The following NR6A1 variants were observed in gnomAD, a reference collection of about 807,000 sequenced individuals.
NR6A1 encodes the protein retinoic acid receptor-related testis-associated receptor.
NR6A1 carries 7 observed loss-of-function variants against 59.1 expected under a neutral mutation model. The ratio of observed to expected loss-of-function variants is 0.12; its 90% CI spans 0.07 to 0.22. The LOEUF is 0.22. Among genes scored for constraint, NR6A1 ranks in the 10% least tolerant of loss-of-function variants. NR6A1 has a pLI of 1.00. For synonymous variants in NR6A1, 243 were observed against 236.1 expected (o/e 1.03, Z -0.27); for missense variants, 468 against 611.6 (o/e 0.77, Z 2.48).
In NR6A1 at chr9:124,560,034, G is replaced by A. The variant is rs142806623; in HGVS notation, c.143-5464C>T. 3.2e-4 allele frequency among the ~76,000 whole-genome samples: 49 copies of A among 152,250 alleles called. No homozygotes were observed. In the East Asian group the frequency reaches 8.7e-3, roughly 27 times the overall value. On this transcript the variant is annotated intron_variant, in intron 2 of 9. Transcript: ENST00000487099. Reference sequence around the variant, plus strand: ...CCACACATTTTATAACAGGAAAAACGGGTGCTGAAAGAGTAAATAATCTTG... The same window carrying A: ...CCACACATTTTATAACAGGAAAAACAGGTGCTGAAAGAGTAAATAATCTTG...
chr9:124,608,187 GGTTT>G (rs1268517664), intron 2 of NR6A1, among the ~76,000 whole-genome samples: 1 of 152,186 alleles, frequency 6.6e-6, no homozygotes, highest in African/African-American at 2.4e-5. Flanking sequence ...TACATGTGCA[GGTTT>G]GTTACACAGG....
At chr9:124,541,306 GA>G (rs1833434829) in intron 4 of NR6A1, among the ~76,000 whole-genome samples, 1 of 151,982 alleles carries the variant, frequency 6.6e-6, no homozygotes, top group African/African-American at 2.4e-5. Flanking sequence ...AAAACCCACT[GA>G]AAAATGAACA....
intron 2 of NR6A1, among the ~76,000 whole-genome samples, chr9:124,681,434 C>T (rs1431607826): frequency 2.7e-5 from 4 of 149,808 alleles, no homozygotes; most frequent in Non-Finnish European, 5.9e-5. Flanking sequence ...CTCCACCTTC[C>T]GGGTTCAGGC....
intron 2 of NR6A1, among the ~76,000 whole-genome samples, chr9:124,654,218 T>C (rs567016600): frequency 6.6e-6 from 1 of 152,256 alleles, no homozygotes; most frequent in Admixed American, 6.5e-5. Context: ...CAGTTAAAGA[T>C]AGTGTCAAGG....
chr9:124,611,173 CA>C (rs11405761), intron 2 of NR6A1, among the ~76,000 whole-genome samples: 1 of 134,456 alleles, frequency 7.4e-6, no homozygotes, highest in Non-Finnish European at 1.6e-5. Context: ...CTTCCCTTAC[CA>C]AAAAAAAAAC....
intron 2 of NR6A1, among the ~76,000 whole-genome samples, chr9:124,697,147 G>A (rs892470960): frequency 4.6e-5 from 7 of 152,190 alleles, no homozygotes; most frequent in African/African-American, 1.7e-4. Flanking sequence ...GAAGAAAGAG[G>A]ATTCCACTTT....
intron 1 of NR6A1, among the ~76,000 whole-genome samples, chr9:124,752,774 T>C (rs1840541720): frequency 6.6e-6 from 1 of 151,222 alleles, no homozygotes; most frequent in Non-Finnish European, 1.5e-5. Context: ...AAGAAAGACC[T>C]AAGTTTTTAA....
chr9:124,591,698 T>C (rs775987361), intron 2 of NR6A1, among the ~76,000 whole-genome samples: 1 of 152,194 alleles, frequency 6.6e-6, no homozygotes, highest in South Asian at 2.1e-4. Flanking sequence ...AGTGTGAGCA[T>C]CAAGACCCTG....
At chr9:124,565,762 T>C (rs1834223820) in intron 2 of NR6A1, among the ~76,000 whole-genome samples, 1 of 152,140 alleles carries the variant, frequency 6.6e-6, no homozygotes. Context: ...ACATGCAAAT[T>C]AAAACCACAA....
intron 2 of NR6A1, among the ~76,000 whole-genome samples, chr9:124,655,103 C>G (rs974289237): frequency 6.6e-6 from 1 of 152,100 alleles, no homozygotes; most frequent in East Asian, 1.9e-4. Flanking sequence ...AACTAACGAG[C>G]CAAGCTTTCC....
intron 1 of NR6A1, among the ~76,000 whole-genome samples, chr9:124,766,161 T>C (rs1176879102): frequency 6.6e-6 from 1 of 152,226 alleles, no homozygotes; most frequent in African/African-American, 2.4e-5. Flanking sequence ...ACCTGCTCAG[T>C]ACCAAACCAC....
chr9:124,527,045 C>A, intron 7 of NR6A1, 145 bp from the exon 8 acceptor site: 2 of 972,104 alleles, frequency 2.1e-6, no homozygotes, highest in South Asian at 1.6e-5. Context: ...ACAGGCAGAT[C>A]CATGCTTTGT....
At chr9:124,720,695 T>C (rs1190330754) in intron 2 of NR6A1, among the ~76,000 whole-genome samples, 1 of 152,164 alleles carries the variant, frequency 6.6e-6, no homozygotes, top group Non-Finnish European at 1.5e-5. Flanking sequence ...GTGGTCCCGG[T>C]TGACCAAAGA....
At chr9:124,586,443 T>C (rs1834937437) in intron 2 of NR6A1, among the ~76,000 whole-genome samples, 1 of 151,340 alleles carries the variant, frequency 6.6e-6, no homozygotes, top group Non-Finnish European at 1.5e-5. Flanking sequence ...AATTGCATGA[T>C]AATTTTTTTT....
intron 2 of NR6A1, among the ~76,000 whole-genome samples, chr9:124,672,241 T>C (rs1011354542): frequency 3.3e-5 from 5 of 152,212 alleles, no homozygotes; most frequent in Non-Finnish European, 7.3e-5. Context: ...TTGGGACTAT[T>C]ACAGATAATG....
At chr9:124,616,962 A>G (rs1305195362) in intron 2 of NR6A1, among the ~76,000 whole-genome samples, 1 of 152,334 alleles carries the variant, frequency 6.6e-6, no homozygotes, top group East Asian at 1.9e-4. Context: ...TGACCCAAAA[A>G]TACCACTTCT....
chr9:124,671,845 A>G (rs556553663), intron 2 of NR6A1, among the ~76,000 whole-genome samples: 109 of 152,334 alleles, frequency 7.2e-4, no homozygotes, highest in African/African-American at 2.3e-3. Context: ...AAAATACAGT[A>G]AAGTGCACAC....
intron 1 of NR6A1, among the ~76,000 whole-genome samples, chr9:124,770,498 G>A (rs1329553673): frequency 6.6e-6 from 1 of 151,534 alleles, no homozygotes; most frequent in African/African-American, 2.4e-5. Context: ...GGTCAACAGG[G>A]CAAGAAGGGA....
chr9:124,672,995 C>A (rs114231581), intron 2 of NR6A1, among the ~76,000 whole-genome samples: 1,527 of 152,162 alleles, frequency 0.01, 26 homozygotes, highest in African/African-American at 0.034. Flanking sequence ...GTTGTGTTTG[C>A]CCAAGAGTGA....
Sources: gnomAD v4.1 joint callset for allele counts (sites outside exome capture counted in the v4.1 genomes callset) on GRCh38, gnomAD v4.1.1 for gene constraint, MANE v1.5 for transcripts, NCBI Gene and HGNC (gene_info 2026-07-23, HGNC 2026-07-21) for gene names.